TTC7B: variants seen among roughly 807,000 people sequenced by gnomAD.
TTC7B encodes the protein tetratricopeptide repeat protein 7B.
Under a neutral mutation model 106.8 loss-of-function variants are expected in TTC7B, and 28 were observed. The observed-to-expected ratio is 0.26, with a 90% CI of 0.19 to 0.36. The LOEUF is 0.36. Among genes scored for constraint, TTC7B ranks in the 10% least tolerant of loss-of-function variants. The pLI is 1.00. For synonymous variants in TTC7B, 405 were observed against 430.6 expected (o/e 0.94, Z 0.74); for missense variants, 862 against 1,076.4 (o/e 0.80, Z 2.79).
intron 1 of TTC7B, among the ~76,000 whole-genome samples, chr14:90,793,922 C>T (rs755525914): frequency 6.9e-6 from 1 of 145,704 alleles, no homozygotes; most frequent in East Asian, 2.1e-4. Flanking sequence ...TTGTTTTCTT[C>T]GAAACAGTCT....
rs1195473134 is a variant in TTC7B, at chr14:90,528,789, G to T, written c.*12579C>A. 2 of 151,024 alleles carry T rather than the reference G, an allele frequency of 1.3e-5. No individual in the cohort carries two copies. The highest frequency in any genetic ancestry group is 5.0e-5 in the African/African-American group (2 of 40,396). 9.4% of individuals were successfully genotyped at this position (151,024 alleles called of 1,614,324 possible). Reference sequence around the variant, plus strand: ...GTTTTGTTACCTGTTTCTGATGGTTGTTTCTGGTGGTGTGACCCAACTGCA... The same window carrying T: ...GTTTTGTTACCTGTTTCTGATGGTTTTTTCTGGTGGTGTGACCCAACTGCA... On this transcript the variant is annotated 3_prime_UTR_variant, in exon 20 of 20. Coordinates refer to ENST00000328459, the MANE Select transcript of TTC7B (RefSeq NM_001010854.2).
intron 1 of TTC7B, among the ~76,000 whole-genome samples, chr14:90,813,469 A>G (rs2031010999): frequency 6.6e-6 from 1 of 152,174 alleles, no homozygotes; most frequent in Non-Finnish European, 1.5e-5. Context: ...GAAGGAAGGA[A>G]GGAATGAGTG....
chr14:90,650,657 G>C (rs909141505), intron 13 of TTC7B, among the ~76,000 whole-genome samples: 29 of 152,210 alleles, frequency 1.9e-4, no homozygotes, highest in African/African-American at 6.3e-4. Flanking sequence ...CATACTGTGG[G>C]CCATGCAATG....
intron 17 of TTC7B, chr14:90,605,756 A>T (rs1892613184): frequency 4.0e-6 from 5 of 1,254,686 alleles, no homozygotes; most frequent in Non-Finnish European, 4.1e-6. Flanking sequence ...GAGGAATCTG[A>T]CACTAAAAAA....
chr14:90,706,534 T>C (rs1379190119), intron 5 of TTC7B, among the ~76,000 whole-genome samples: 2 of 152,212 alleles, frequency 1.3e-5, no homozygotes, highest in Non-Finnish European at 2.9e-5. Context: ...TAGTAAAATG[T>C]TTTATGTTTT....
At chr14:90,722,166 C>T (rs1158847244) in intron 5 of TTC7B, among the ~76,000 whole-genome samples, 7 of 152,158 alleles carry the variant, frequency 4.6e-5, no homozygotes, top group Admixed American at 6.5e-5. Flanking sequence ...TGCAGGAAGG[C>T]GCCCTATATC....
chr14:90,786,996 G>C (rs187540083), intron 1 of TTC7B, among the ~76,000 whole-genome samples: 2 of 152,158 alleles, frequency 1.3e-5, no homozygotes, highest in African/African-American at 4.8e-5. Context: ...CCAGTGTTAC[G>C]TATTTTCAAG....
chr14:90,684,336 A>G (rs1887171423), intron 7 of TTC7B, among the ~76,000 whole-genome samples: 1 of 152,192 alleles, frequency 6.6e-6, no homozygotes, highest in African/African-American at 2.4e-5. Context: ...AATACAATGA[A>G]AAAAAGTATG....
intron 1 of TTC7B, 91 bp from the exon 2 acceptor site, chr14:90,786,419 C>T (rs948240144): frequency 9.9e-6 from 15 of 1,517,880 alleles, no homozygotes; most frequent in Middle Eastern, 1.7e-4. Context: ...CACCACCCTC[C>T]GAGGCTCCAG....
intron 15 of TTC7B, among the ~76,000 whole-genome samples, chr14:90,620,230 G>C (rs1893254565): frequency 6.6e-6 from 1 of 152,044 alleles, no homozygotes; most frequent in Non-Finnish European, 1.5e-5. Flanking sequence ...AAGCAGATGA[G>C]CATAAAGAGC....
rs1409124421 is a variant in TTC7B at position 90,676,611 on chromosome 14, C to A, written c.1064G>T (p.Arg355Leu). The change falls in exon 9 of 20, where the codon CGC becomes CTC. Residue 355 changes from arginine (R) to leucine (L), a missense_variant. Physicochemically the swap from Arg to Leu is moderately radical, Grantham distance 102. Coordinates refer to ENST00000328459, the MANE Select transcript of TTC7B (RefSeq NM_001010854.2). ...AGATGCACTCTGCAGACTGATGAGG[C>A]GGTCACTCTTGTGTTCAGGTATCCT... ...LSRIPEHKSD[R>L]LISLQSASVV... 1.2e-6 allele frequency: 2 copies of A among 1,613,962 alleles called. No individual in the cohort carries two copies. The highest frequency in any genetic ancestry group is 8.5e-7 in the Non-Finnish European group (1 of 1,180,002).
At chr14:90,766,863 G>A (rs1890698904) in intron 3 of TTC7B, 1 of 1,597,044 alleles carries the variant, frequency 6.3e-7, no homozygotes, top group South Asian at 1.1e-5. Flanking sequence ...ATGAAGACCT[G>A]GAGCGACTGA....
intron 1 of TTC7B, among the ~76,000 whole-genome samples, chr14:90,789,909 A>T (rs1286342): frequency 0.56 from 84,025 of 150,472 alleles, 23,746 homozygotes; most frequent in Middle Eastern, 0.68. Flanking sequence ...AAAAAAAAAA[A>T]AAAATACTAT....
intron 9 of TTC7B, among the ~76,000 whole-genome samples, chr14:90,672,906 T>G (rs746532236): frequency 4.6e-5 from 7 of 152,234 alleles, no homozygotes; most frequent in African/African-American, 7.2e-5. Flanking sequence ...CATGGATTAA[T>G]GAATATGCAT....
At chr14:90,557,399 T>C (rs1337233683) in intron 19 of TTC7B, among the ~76,000 whole-genome samples, 1 of 152,176 alleles carries the variant, frequency 6.6e-6, no homozygotes, top group African/African-American at 2.4e-5. Flanking sequence ...TCAGCCTCAG[T>C]GTTCTAATCA....
chr14:90,745,176 A>G (rs1044400617), intron 3 of TTC7B, among the ~76,000 whole-genome samples: 3 of 151,908 alleles, frequency 2.0e-5, no homozygotes, highest in Non-Finnish European at 4.4e-5. Context: ...CCTACCTGTG[A>G]TCCCAGCTAC....
intron 6 of TTC7B, among the ~76,000 whole-genome samples, 153 bp from the exon 7 acceptor site, chr14:90,689,865 C>T (rs973637656): frequency 6.6e-6 from 1 of 152,138 alleles, no homozygotes. Context: ...GGTAATCATA[C>T]CAGTTTATGA....
intron 19 of TTC7B, among the ~76,000 whole-genome samples, chr14:90,556,794 A>T (rs1011400769): frequency 2.0e-5 from 3 of 152,066 alleles, no homozygotes; most frequent in Non-Finnish European, 2.9e-5. Flanking sequence ...CATCAGGGAT[A>T]CTCTGAGGGA....
chr14:90,621,352 C>T lies in TTC7B; in HGVS notation c.1752-3307G>A, dbSNP rs1232709034. ...TGGGCAGAGGCCACGCGGGTACGGC[C>T]GGGACGATGGGCAGAGGCCACGCGG... On this transcript the variant is annotated intron_variant, in intron 15 of 19. Coordinates refer to ENST00000328459, the MANE Select transcript of TTC7B (RefSeq NM_001010854.2). Among the ~76,000 whole-genome samples the T allele has an allele frequency of 6.0e-4, 82 of 136,000 alleles. 1 individual carries two copies. Among genetic ancestry groups the T allele is most frequent in the Non-Finnish European group, 1.1e-3 (72 of 63,600 alleles). The allele number at this position is 136,000 out of a possible 152,430, so 89.2% of individuals were successfully genotyped here.
Sources: gnomAD v4.1 joint callset for allele counts (sites outside exome capture counted in the v4.1 genomes callset) on GRCh38, gnomAD v4.1.1 for gene constraint, MANE v1.5 for transcripts, NCBI Gene and HGNC (gene_info 2026-07-23, HGNC 2026-07-21) for gene names.